The following RFX3 variants were observed in gnomAD, a reference collection of about 807,000 sequenced individuals.
The protein encoded by RFX3 is transcription factor RFX3.
In RFX3, 14 loss-of-function variants were observed where a neutral mutation model predicts 98.6. The ratio of observed to expected loss-of-function variants is 0.14; its 90% confidence interval spans 0.09 to 0.22. The LOEUF is 0.22. Ranked by LOEUF, RFX3 falls within the 10% of genes least tolerant of loss-of-function variation. The pLI, the probability that RFX3 is intolerant of heterozygous loss-of-function variation, is 1.00. For synonymous variants in RFX3, 383 were observed against 328.4 expected, an observed-to-expected ratio of 1.17 and a Z score of -1.80; for missense variants, 639 against 926.9, an observed-to-expected ratio of 0.69 and a Z score of 4.03.
chr9:3,396,969 T>C (rs566233593), intron 1 of RFX3, among the ~76,000 whole-genome samples: 2 of 152,354 alleles, frequency 1.3e-5, no homozygotes, highest in Non-Finnish European at 2.9e-5. Context: ...ATTTTGTGTA[T>C]GGTATAATAT....
At chr9:3,329,595 G>A (rs1270765442) in intron 4 of RFX3, among the ~76,000 whole-genome samples, 3 of 151,806 alleles carry the variant, frequency 2.0e-5, no homozygotes, top group African/African-American at 7.3e-5. Context: ...TCTCTCTGGT[G>A]GAATGCAACA....
At chr9:3,337,937 C>CAT (rs1030871259) in intron 3 of RFX3, among the ~76,000 whole-genome samples, 6 of 152,232 alleles carry the variant, frequency 3.9e-5, no homozygotes, top group African/African-American at 1.4e-4. Context: ...CAACAAAGTG[C>CAT]ATATATATAT....
chr9:3,287,151 T>C (rs922458645), intron 7 of RFX3, among the ~76,000 whole-genome samples: 3 of 151,896 alleles, frequency 2.0e-5, no homozygotes, highest in African/African-American at 7.2e-5. Context: ...GCTGACTAAA[T>C]AGTATAAAAT....
At chr9:3,228,446 C>T (rs1818052756) in intron 16 of RFX3, among the ~76,000 whole-genome samples, 1 of 152,176 alleles carries the variant, frequency 6.6e-6, no homozygotes, top group Admixed American at 6.5e-5. Context: ...TTTCTACACA[C>T]AAGTAGGAAC....
chr9:3,412,136 A>G (rs1842513119), intron 1 of RFX3, among the ~76,000 whole-genome samples: 1 of 152,214 alleles, frequency 6.6e-6, no homozygotes, highest in Non-Finnish European at 1.5e-5. Flanking sequence ...ATCTGATTTG[A>G]GTATTCCTGG....
chr9:3,227,617 CCTT>C (rs1180409654), intron 16 of RFX3, among the ~76,000 whole-genome samples: 1 of 152,150 alleles, frequency 6.6e-6, no homozygotes, highest in East Asian at 1.9e-4. Flanking sequence ...ACTCTACTGT[CCTT>C]CTGGACACCC....
intron 1 of RFX3, among the ~76,000 whole-genome samples, chr9:3,478,234 T>C (rs1849439799): frequency 6.6e-6 from 1 of 152,122 alleles, no homozygotes; most frequent in South Asian, 2.1e-4. Context: ...AAACTGAACA[T>C]TTTAGGTAAT....
chr9:3,449,603 A>C (rs1846382962), intron 1 of RFX3, among the ~76,000 whole-genome samples: 1 of 152,200 alleles, frequency 6.6e-6, no homozygotes, highest in South Asian at 2.1e-4. Flanking sequence ...CCCATGCCTT[A>C]ATCCCAGGAA....
intron 1 of RFX3, among the ~76,000 whole-genome samples, chr9:3,424,100 T>C (rs1418597115): frequency 6.7e-6 from 1 of 149,740 alleles, no homozygotes; most frequent in East Asian, 2.0e-4. Flanking sequence ...TGAGCTGAGA[T>C]CGCGCCACTA....
At chr9:3,440,304 A>G (rs1845505235) in intron 1 of RFX3, among the ~76,000 whole-genome samples, 1 of 152,102 alleles carries the variant, frequency 6.6e-6, no homozygotes, top group Non-Finnish European at 1.5e-5. Context: ...TTTTAAAGAA[A>G]GAAATAAAAT....
intron 1 of RFX3, among the ~76,000 whole-genome samples, chr9:3,513,633 G>T (rs1303786001): frequency 6.6e-6 from 1 of 152,176 alleles, no homozygotes; most frequent in Non-Finnish European, 1.5e-5. Context: ...TTACTTCAAA[G>T]TTTATCACGG....
chr9:3,241,977 A>G lies in RFX3; in HGVS notation c.1968+6055T>C, dbSNP rs1164648050. Among the ~76,000 whole-genome samples, 3 of 152,224 alleles carry G rather than the reference A, an allele frequency of 2.0e-5. No individual in the cohort carries two copies. In the East Asian group the frequency reaches 5.8e-4, roughly 29 times the overall value. On this transcript the variant is annotated intron_variant, in intron 15 of 16. Transcript: ENST00000617270. Reference sequence around the variant, plus strand: ...GCTAGGCACCTGGCTTGTGATTGTCAGAGAGAAAATGTGTGTCTATGTGTT... The same window carrying G: ...GCTAGGCACCTGGCTTGTGATTGTCGGAGAGAAAATGTGTGTCTATGTGTT...
At chr9:3,226,262 G>T (rs1817755307) in intron 16 of RFX3, among the ~76,000 whole-genome samples, 2 of 152,158 alleles carry the variant, frequency 1.3e-5, no homozygotes, top group African/African-American at 4.8e-5. Flanking sequence ...GATTAAGCTG[G>T]ATTCTTTGCA....
intron 2 of RFX3, among the ~76,000 whole-genome samples, chr9:3,390,062 G>T (rs1185157588): frequency 6.6e-6 from 1 of 152,150 alleles, no homozygotes; most frequent in African/African-American, 2.4e-5. Flanking sequence ...AAGCCTTATG[G>T]CTTTGAAGAA....
At chr9:3,439,947 G>C (rs1845478140) in intron 1 of RFX3, among the ~76,000 whole-genome samples, 1 of 152,006 alleles carries the variant, frequency 6.6e-6, no homozygotes, top group Non-Finnish European at 1.5e-5. Flanking sequence ...CTGAAAGTTT[G>C]TTTAGGGTTT....
At position 3,224,817 on chromosome 9, in the gene RFX3, G is replaced by A. The variant is rs2130548983; in HGVS notation, c.*225C>T. ...GTTGTAAAAATCCTTCTTGACACCT[G>A]AAACTAAGGGAAAAAATTCATTATT... On this transcript the variant is annotated 3_prime_UTR_variant, in exon 17 of 17. Coordinates refer to ENST00000617270, the MANE Select transcript of RFX3 (RefSeq NM_001282116.2). 3 of 427,488 alleles carry A rather than the reference G, an allele frequency of 7.0e-6. No individual in the cohort carries two copies. The East Asian group carries it at 1.1e-4, about 16-fold the overall frequency. The allele number at this position is 427,488 out of a possible 1,614,324, so 26.5% of individuals were successfully genotyped here.
chr9:3,463,351 T>C (rs911205533), intron 1 of RFX3, among the ~76,000 whole-genome samples: 1 of 152,086 alleles, frequency 6.6e-6, no homozygotes, highest in Admixed American at 6.5e-5. Context: ...TCATATCATA[T>C]ACAATAATTA....
chr9:3,291,178 A>C (rs1827278200), intron 6 of RFX3, among the ~76,000 whole-genome samples: 1 of 152,120 alleles, frequency 6.6e-6, no homozygotes, highest in Non-Finnish European at 1.5e-5. Flanking sequence ...CAGCCTGGCC[A>C]ACATGGCGAA....
At chr9:3,473,441 T>G (rs551379423) in intron 1 of RFX3, among the ~76,000 whole-genome samples, 3 of 152,262 alleles carry the variant, frequency 2.0e-5, no homozygotes, top group Admixed American at 1.3e-4. Context: ...CTAACAAAAG[T>G]CTAAAACATG....
Sources: allele counts gnomAD v4.1 joint callset (sites outside exome capture counted in the v4.1 genomes callset), GRCh38; gene constraint gnomAD v4.1.1; transcripts MANE v1.5; gene names NCBI Gene and HGNC (gene_info 2026-07-23, HGNC 2026-07-21).